Variants in TENM3 observed in about 807,000 individuals in gnomAD.
TENM3 encodes the protein teneurin transmembrane protein 3.
In TENM3, 63 loss-of-function variants were observed where a neutral mutation model predicts 255.1. The observed-to-expected ratio is 0.25, with a 90% confidence interval of 0.20 to 0.30. The LOEUF is 0.30. Ranked by LOEUF, TENM3 falls within the 10% of genes least tolerant of loss-of-function variation. The probability of loss-of-function intolerance (pLI) is 1.00; values close to 1 mark genes in which losing one functional copy is unlikely to be tolerated. For missense variants in TENM3, 2,929 were observed against 3,461.1 expected (o/e 0.85, Z 3.86); for synonymous variants, 1,306 against 1,322.3 (o/e 0.99, Z 0.27).
At chr4:182,300,298 G>A (rs1406987093) in intron 1 of TENM3, among the ~76,000 whole-genome samples, 1 of 142,044 alleles carries the variant, frequency 7.0e-6, no homozygotes, top group East Asian at 2.5e-4. Context: ...AGAAAGGAAG[G>A]AAGGGAAGGA....
At chr4:182,072,265 A>G in the TENM3 span, among the ~76,000 whole-genome samples, 22 of 152,328 alleles carry the variant, frequency 1.4e-4, no homozygotes, top group African/African-American at 5.3e-4. Context: ...ACAATAGCAT[A>G]GACATTGTTC....
chr4:181,483,247 C>T, the TENM3 span, among the ~76,000 whole-genome samples: 26 of 152,054 alleles, frequency 1.7e-4, no homozygotes, highest in African/African-American at 5.3e-4. Context: ...TTTTTGGGAA[C>T]GTGTTTTTTT....
At chr4:181,558,679 T>C in the TENM3 span, among the ~76,000 whole-genome samples, 3 of 152,198 alleles carry the variant, frequency 2.0e-5, no homozygotes, top group African/African-American at 7.2e-5. Flanking sequence ...CAATAGTCCA[T>C]GTTCTGTAAT....
chr4:181,516,095 T>C, the TENM3 span, among the ~76,000 whole-genome samples: 1 of 152,056 alleles, frequency 6.6e-6, no homozygotes, highest in Non-Finnish European at 1.5e-5. Context: ...CTCAGCAAAC[T>C]AACCCAGAAA....
the TENM3 span, among the ~76,000 whole-genome samples, chr4:181,516,097 A>G: frequency 6.6e-6 from 1 of 152,136 alleles, no homozygotes; most frequent in African/African-American, 2.4e-5. Context: ...CAGCAAACTA[A>G]CCCAGAAACA....
chr4:182,564,090 C>T (rs1373308611), intron 3 of TENM3, among the ~76,000 whole-genome samples: 1 of 152,156 alleles, frequency 6.6e-6, no homozygotes, highest in East Asian at 1.9e-4. Context: ...AATGCAGCCT[C>T]TCGCCTGGCT....
chr4:181,588,538 T>C, the TENM3 span, among the ~76,000 whole-genome samples: 830 of 152,218 alleles, frequency 5.5e-3, 9 homozygotes, highest in African/African-American at 0.019. Context: ...GAGATTCCAA[T>C]TGGGATCTGT....
the TENM3 span, among the ~76,000 whole-genome samples, chr4:181,756,621 A>C: frequency 3.3e-5 from 5 of 152,324 alleles, no homozygotes; most frequent in Non-Finnish European, 5.9e-5. Context: ...GTGGCACTGA[A>C]GCAGAACAAA....
At chr4:182,474,221 A>G (rs1308740610) in intron 3 of TENM3, among the ~76,000 whole-genome samples, 1 of 152,192 alleles carries the variant, frequency 6.6e-6, no homozygotes, top group Non-Finnish European at 1.5e-5. Flanking sequence ...TCACAGGATT[A>G]TAGATACCAT....
At chr4:181,684,034 G>A in the TENM3 span, among the ~76,000 whole-genome samples, 1 of 152,220 alleles carries the variant, frequency 6.6e-6, no homozygotes, top group Non-Finnish European at 1.5e-5. Context: ...ATTATTGTAG[G>A]TGGGAGAAGG....
At chr4:181,846,757 T>C in the TENM3 span, among the ~76,000 whole-genome samples, 1 of 152,210 alleles carries the variant, frequency 6.6e-6, no homozygotes, top group Non-Finnish European at 1.5e-5. Flanking sequence ...TGGGAAATAC[T>C]GGAGAGAAAC....
At chr4:182,741,059 C>T (rs1761567466) in intron 18 of TENM3, among the ~76,000 whole-genome samples, 1 of 152,018 alleles carries the variant, frequency 6.6e-6, no homozygotes, top group Non-Finnish European at 1.5e-5. Context: ...ACCTGTAATC[C>T]CAGCTACTCA....
chr4:181,927,875 C>A, the TENM3 span, among the ~76,000 whole-genome samples: 2 of 152,158 alleles, frequency 1.3e-5, no homozygotes, highest in Non-Finnish European at 2.9e-5. Context: ...CTGGTGATAC[C>A]CAGGCAAACA....
rs1178760885 is a variant in TENM3 at position 182,743,382 on chromosome 4, T to G, written c.3592T>G (p.Phe1198Val). The G allele has an allele frequency of 1.2e-6, 2 of 1,613,950 alleles. No homozygotes were observed. Among genetic ancestry groups the G allele is most frequent in the Non-Finnish European group, 1.7e-6 (2 of 1,179,846 alleles). The part of the protein sequence containing the change: ...VGDFNYVRRI[F>V]PSGNVTSVLE... ...CGATTTCAACTATGTGCGGCGGATA[T>G]TCCCTTCTGGAAATGTAACAAGTGT... Residue 1198 changes from phenylalanine (F) to valine (V), a missense_variant, in exon 19 of 28, where the codon TTC becomes GTC. Transcript: ENST00000511685.
chr4:182,502,584 CATG>C (rs1338074913), intron 3 of TENM3, among the ~76,000 whole-genome samples: 2 of 152,136 alleles, frequency 1.3e-5, no homozygotes, highest in Non-Finnish European at 2.9e-5. Context: ...TTTATTTTGA[CATG>C]ATGTTTTTAA....
At chr4:181,998,960 T>C in the TENM3 span, among the ~76,000 whole-genome samples, 309 of 152,244 alleles carry the variant, frequency 2.0e-3, no homozygotes, top group Non-Finnish European at 3.3e-3. Context: ...ATGGTCAAAA[T>C]AAAACATCAT....
chr4:181,935,827 T>C, the TENM3 span, among the ~76,000 whole-genome samples: 5 of 152,164 alleles, frequency 3.3e-5, no homozygotes, highest in Middle Eastern at 3.2e-3. Context: ...CATCGGGCCT[T>C]ATGGAAATCT....
intron 12 of TENM3, among the ~76,000 whole-genome samples, chr4:182,708,323 A>G (rs1758449800): frequency 6.6e-6 from 1 of 152,132 alleles, no homozygotes; most frequent in South Asian, 2.1e-4. Context: ...GAGCTACGAG[A>G]TAGAGGCCTG....
chr4:182,345,492 A>T (rs1484751581), intron 2 of TENM3, among the ~76,000 whole-genome samples: 2 of 152,212 alleles, frequency 1.3e-5, no homozygotes, highest in East Asian at 3.8e-4. Flanking sequence ...TGGTTATGAG[A>T]TAGCAGCATT....
Sources: gnomAD v4.1 joint callset for allele counts (sites outside exome capture counted in the v4.1 genomes callset) on GRCh38, gnomAD v4.1.1 for gene constraint, MANE v1.5 for transcripts, NCBI Gene and HGNC (gene_info 2026-07-23, HGNC 2026-07-21) for gene names.